EGFR: variants seen among roughly 807,000 people sequenced by gnomAD.
EGFR encodes epidermal growth factor receptor.
Under a neutral mutation model 143.0 loss-of-function variants are expected in EGFR, and 58 were observed. That is an observed-to-expected ratio of 0.41 (90% CI 0.33 to 0.50). The LOEUF is 0.50. EGFR is among the 20% of genes least tolerant of loss of function. The pLI is 0.39. For missense variants in EGFR, 1,307 were observed against 1,579.0 expected (o/e 0.83, Z 2.92); for synonymous variants, 613 against 594.4 (o/e 1.03, Z -0.45).
chr7:55,180,464 A>T (rs1263391992), intron 19 of EGFR: 1 of 152,302 alleles, frequency 6.6e-6, no homozygotes, highest in Non-Finnish European at 1.5e-5. Context: ...CTGCCTTGGC[A>T]GCCAGCCGGA....
intron 24 of EGFR, chr7:55,200,769 A>C (rs965753380): frequency 2.1e-6 from 1 of 485,342 alleles, no homozygotes; most frequent in Non-Finnish European, 3.8e-6. Flanking sequence ...ACTTCTTCGC[A>C]TCACCCAGGC....
At chr7:55,170,381 G>C (rs371909721) in intron 15 of EGFR, 2 of 1,614,006 alleles carry the variant, frequency 1.2e-6, no homozygotes, top group Non-Finnish European at 1.7e-6. Flanking sequence ...AGTAATGATG[G>C]CAGCGTGTCC....
chr7:55,157,965 C>G (rs890492422), intron 11 of EGFR, among the ~76,000 whole-genome samples: 1 of 152,236 alleles, frequency 6.6e-6, no homozygotes, highest in African/African-American at 2.4e-5. Flanking sequence ...TCAGCGCTCG[C>G]CAGTGCTTCT....
At chr7:55,162,980 C>T (rs996346875) in intron 13 of EGFR, among the ~76,000 whole-genome samples, 6 of 152,290 alleles carry the variant, frequency 3.9e-5, no homozygotes, top group Non-Finnish European at 5.9e-5. Context: ...TTAGTAGAGA[C>T]GGGGTTTCAC....
chr7:55,069,745 AG>A (rs1206210385), intron 1 of EGFR, among the ~76,000 whole-genome samples: 1 of 152,234 alleles, frequency 6.6e-6, no homozygotes, highest in Non-Finnish European at 1.5e-5. Flanking sequence ...TGGTAGATGC[AG>A]TGAACTCAGG....
At chr7:55,136,921 G>T (rs1794176817) in intron 1 of EGFR, among the ~76,000 whole-genome samples, 1 of 152,112 alleles carries the variant, frequency 6.6e-6, no homozygotes, top group South Asian at 2.1e-4. Flanking sequence ...TTCAATTTAG[G>T]GTGGGTTTAT....
chr7:55,201,258 A>T lies in EGFR; in HGVS notation c.3017A>T (p.Asp1006Val), dbSNP rs752859687. The T allele has an allele frequency of 6.2e-7, 1 of 1,614,162 alleles. No homozygotes were observed. Among genetic ancestry groups the T allele is most frequent in the Non-Finnish European group, 8.5e-7 (1 of 1,180,044 alleles). The change falls in exon 25 of 28, where the codon GAC becomes GTC. Residue 1006 changes from aspartate to valine, a missense_variant. This residue lies in a region of EGFR where 313 missense variants were observed against 312.3 expected (regional missense o/e 1.00). Coordinates refer to ENST00000275493, the MANE Select transcript of EGFR (RefSeq NM_005228.5). ...NFYRALMDEE[D>V]MDDVVDADEY... ...TACCGTGCCCTGATGGATGAAGAAG[A>T]CATGGACGACGTGGTGGATGCCGAC...
intron 1 of EGFR, among the ~76,000 whole-genome samples, chr7:55,040,401 G>T (rs779294101): frequency 6.6e-6 from 1 of 152,138 alleles, no homozygotes; most frequent in Admixed American, 6.5e-5. Context: ...TGGAAGATCT[G>T]CATGATTATA....
chr7:55,060,742 C>T (rs943907812), intron 1 of EGFR, among the ~76,000 whole-genome samples: 2 of 152,104 alleles, frequency 1.3e-5, no homozygotes, highest in Non-Finnish European at 1.5e-5. Flanking sequence ...CCCAGTATAA[C>T]GATGCAGTTC....
intron 24 of EGFR, among the ~76,000 whole-genome samples, 162 bp from the exon 25 acceptor site, chr7:55,201,026 T>C (rs1230668622): frequency 2.6e-5 from 4 of 152,112 alleles, no homozygotes; most frequent in Non-Finnish European, 5.9e-5. Context: ...CATCATGTCA[T>C]GAGGGGAGGC....
chr7:55,148,400 C>T, intron 4 of EGFR, among the ~76,000 whole-genome samples: 1 of 151,780 alleles, frequency 6.6e-6, no homozygotes, highest in African/African-American at 2.4e-5. Context: ...AGAGAAAGTG[C>T]TGGAAAGGGG....
chr7:55,139,913 T>C (rs1211571371), intron 1 of EGFR, among the ~76,000 whole-genome samples: 3 of 152,072 alleles, frequency 2.0e-5, no homozygotes, highest in Admixed American at 1.3e-4. Flanking sequence ...TACAGGATCT[T>C]TTTCTGAATA....
chr7:55,113,968 C>T (rs1461641189), intron 1 of EGFR, among the ~76,000 whole-genome samples: 1 of 152,200 alleles, frequency 6.6e-6, no homozygotes, highest in Non-Finnish European at 1.5e-5. Flanking sequence ...GGGGCTTGGA[C>T]GCTGCCAGGT....
chr7:55,066,979 C>T (rs1789544079), intron 1 of EGFR, among the ~76,000 whole-genome samples: 1 of 152,192 alleles, frequency 6.6e-6, no homozygotes, highest in Non-Finnish European at 1.5e-5. Flanking sequence ...GGCAGGCGTC[C>T]TTGCCATTGG....
intron 18 of EGFR, among the ~76,000 whole-genome samples, chr7:55,174,508 A>G (rs17337128): frequency 1.3e-5 from 2 of 152,220 alleles, no homozygotes; most frequent in African/African-American, 4.8e-5. Flanking sequence ...AGATTCTTTT[A>G]TCTAAATAAT....
At chr7:55,025,224 G>A (rs1338833079) in intron 1 of EGFR, among the ~76,000 whole-genome samples, 1 of 152,206 alleles carries the variant, frequency 6.6e-6, no homozygotes, top group Admixed American at 6.5e-5. Flanking sequence ...GCGGTTTGGG[G>A]AATGGACTGC....
chr7:55,064,019 T>C (rs1325389257), intron 1 of EGFR, among the ~76,000 whole-genome samples: 1 of 138,080 alleles, frequency 7.2e-6, no homozygotes, highest in African/African-American at 2.5e-5. Flanking sequence ...AGCCTGAACA[T>C]AATAGATTTT....
chr7:55,081,247 C>T (rs143448872), intron 1 of EGFR, among the ~76,000 whole-genome samples: 56 of 152,264 alleles, frequency 3.7e-4, no homozygotes, highest in African/African-American at 1.2e-3. Flanking sequence ...GGACTTTTGG[C>T]GGCAGAAGGA....
At chr7:55,081,613 C>T (rs1333974255) in intron 1 of EGFR, among the ~76,000 whole-genome samples, 1 of 152,184 alleles carries the variant, frequency 6.6e-6, no homozygotes, top group Non-Finnish European at 1.5e-5. Context: ...TTCCGTGCTC[C>T]CAGGACAAGC....
Sources: gnomAD v4.1 joint callset for allele counts (sites outside exome capture counted in the v4.1 genomes callset) on GRCh38, gnomAD v4.1.1 for gene constraint, gnomAD v4.1.1 regional missense constraint, MANE v1.5 for transcripts, NCBI Gene and HGNC (gene_info 2026-07-23, HGNC 2026-07-21) for gene names.